Variants in BDH1 observed in about 807,000 individuals in gnomAD.
The protein encoded by BDH1 is D-beta-hydroxybutyrate dehydrogenase, mitochondrial.
A neutral mutation model predicts 33.1 loss-of-function variants in BDH1; 30 were observed. The ratio of observed to expected loss-of-function variants is 0.91; its 90% confidence interval spans 0.68 to 1.23. The LOEUF is 1.23. Ranked by LOEUF, BDH1 falls within the 50% of genes most tolerant of loss-of-function variation. The pLI is 0.00. For synonymous variants in BDH1, 190 were observed against 183.6 expected (o/e 1.03, Z -0.28); for missense variants, 443 against 464.4 (o/e 0.95, Z 0.42).
intron 3 of BDH1, among the ~76,000 whole-genome samples, chr3:197,534,810 T>G (rs1428067526): frequency 6.6e-6 from 1 of 152,248 alleles, no homozygotes; most frequent in Non-Finnish European, 1.5e-5. Context: ...GGTTTTAATC[T>G]GCATTTCCCT....
intron 3 of BDH1, chr3:197,538,566 G>A (rs948937434): frequency 3.0e-6 from 1 of 337,194 alleles, no homozygotes; most frequent in East Asian, 7.8e-5. Context: ...TGGCCACACT[G>A]GTCTCGAACT....
At chr3:197,549,561 G>T (rs1716380195) in intron 2 of BDH1, among the ~76,000 whole-genome samples, 1 of 152,218 alleles carries the variant, frequency 6.6e-6, no homozygotes, top group South Asian at 2.1e-4. Flanking sequence ...GCAGGAAAGA[G>T]AACTCAGGTG....
intron 2 of BDH1, among the ~76,000 whole-genome samples, chr3:197,547,377 T>A (rs1716173838): frequency 6.6e-6 from 1 of 152,246 alleles, no homozygotes; most frequent in Non-Finnish European, 1.5e-5. Flanking sequence ...AATAAGGTAC[T>A]GCCTGGGAGG....
At chr3:197,534,087 G>A (rs1279572093) in intron 3 of BDH1, 1 of 152,818 alleles carries the variant, frequency 6.5e-6, no homozygotes, top group African/African-American at 2.4e-5. Context: ...AGAGATGCCA[G>A]GTCTTACCTC....
chr3:197,558,514 C>T (rs1183081274), upstream of BDH1, among the ~76,000 whole-genome samples: 5 of 152,100 alleles, frequency 3.3e-5, no homozygotes, highest in African/African-American at 7.2e-5. Flanking sequence ...CTCTTTCCCT[C>T]CTTCCCTATT....
rs543458501 is a variant in BDH1, at chr3:197,526,737, G to A, written c.268-3956C>T. Among the ~76,000 whole-genome samples, 36 of 152,210 alleles carry A rather than the reference G, an allele frequency of 2.4e-4. No homozygotes were observed. Among genetic ancestry groups the A allele is most frequent in the Admixed American group, 2.0e-3 (30 of 15,298 alleles). ...CCAGGTAGAAGGATAGCCCTCTCCC[G>A]ACCAGCTCTCCGTGCTCCGCTCCCA... On this transcript the variant is annotated intron_variant, in intron 5 of 7. Transcript: ENST00000392379. This position sits in a 1 kb window ranked among gnomAD's most constrained non-coding sequence, Gnocchi z 4.7.
At chr3:197,533,358 A>T in intron 4 of BDH1, 131 bp downstream of exon 4, 2 of 885,788 alleles carry the variant, frequency 2.3e-6, no homozygotes, top group Non-Finnish European at 3.6e-6. Context: ...GGGGAGGGTT[A>T]AGTGAGAAAG....
chr3:197,536,630 C>T (rs1207078677), intron 3 of BDH1, among the ~76,000 whole-genome samples: 1 of 152,140 alleles, frequency 6.6e-6, no homozygotes, highest in African/African-American at 2.4e-5. Context: ...CAACTGAGGT[C>T]AGGAGTTCAA....
Position 197,562,874 on chromosome 3 carries a change from G to A in BDH1, c.-44+10307C>T, listed in dbSNP as rs542440367. On this transcript the variant is annotated intron_variant, in intron 1 of 6. Transcript: ENST00000358186. ...CTCTATTTGCCAGAGTAAAATGGAAGTAATACAGTCTTTGTGCAAATTTAC... is the reference window on the plus strand; with the variant it reads ...CTCTATTTGCCAGAGTAAAATGGAAATAATACAGTCTTTGTGCAAATTTAC... Among the ~76,000 whole-genome samples the A allele has an allele frequency of 7.1e-4, 108 of 152,262 alleles. 1 individual carries two copies. Among genetic ancestry groups the A allele is most frequent in the African/African-American group, 2.4e-3 (99 of 41,518 alleles).
At chr3:197,515,525 A>G in intron 6 of BDH1, 1 of 985,672 alleles carries the variant, frequency 1.0e-6, no homozygotes, top group South Asian at 4.7e-5. Flanking sequence ...CATCTTCGAG[A>G]CCATAGCCAC....
At position 197,511,504 on chromosome 3, in the gene BDH1, A is replaced by C. The variant is rs1043415385; in HGVS notation, c.*391T>G. On this transcript the variant is annotated 3_prime_UTR_variant, in exon 8 of 8. Coordinates refer to ENST00000392379, the MANE Select transcript of BDH1 (RefSeq NM_203314.3). Reference sequence around the variant, plus strand: ...AAGCGATAAAAGGGTTATTTCATGCATCCTCTTTAAGCTGCAAATGCTTCA... The same window carrying C: ...AAGCGATAAAAGGGTTATTTCATGCCTCCTCTTTAAGCTGCAAATGCTTCA... 4.4e-6 allele frequency: 1 copy of C among 225,384 alleles called. No homozygotes were observed. Among genetic ancestry groups the C allele is most frequent in the Non-Finnish European group, 8.6e-6 (1 of 116,596 alleles). 14.0% of individuals were successfully genotyped at this position (225,384 alleles called of 1,614,324 possible).
chr3:197,571,365 A>G (rs1717600896), intron 1 of BDH1, among the ~76,000 whole-genome samples: 1 of 152,200 alleles, frequency 6.6e-6, no homozygotes, highest in South Asian at 2.1e-4. Flanking sequence ...TGAAATGTGA[A>G]GACATGAGAT....
chr3:197,517,198 GACC>G (rs1712830823), intron 6 of BDH1, among the ~76,000 whole-genome samples: 1 of 150,662 alleles, frequency 6.6e-6, no homozygotes, highest in Non-Finnish European at 1.5e-5. Flanking sequence ...CCCTCAGGCA[GACC>G]CATCAGTCAC....
At chr3:197,552,015 C>A (rs548762883) in intron 2 of BDH1, among the ~76,000 whole-genome samples, 1 of 152,326 alleles carries the variant, frequency 6.6e-6, no homozygotes, top group East Asian at 1.9e-4. Flanking sequence ...TCACATGCCG[C>A]CAACTCCCGA....
Position 197,515,865 on chromosome 3 carries a change from G to A in BDH1, c.410-1449C>T, listed in dbSNP as rs867837085. The A allele has an allele frequency of 4.2e-5, 10 of 237,172 alleles. No individual in the cohort carries two copies. The South Asian group carries it at 6.0e-4, about 14-fold the overall frequency. The allele number at this position is 237,172 out of a possible 1,614,324, so 14.7% of individuals were successfully genotyped here. ...GTTGCAATGAGCCGGATCATGCCACGGCACTCCAGCCTGGGTGACAGAGCA... is the reference window on the plus strand; with the variant it reads ...GTTGCAATGAGCCGGATCATGCCACAGCACTCCAGCCTGGGTGACAGAGCA... On this transcript the variant is annotated intron_variant, in intron 6 of 7. Transcript: ENST00000392379.
chr3:197,562,062 T>C (rs1717279500), intron 1 of BDH1, among the ~76,000 whole-genome samples: 1 of 152,182 alleles, frequency 6.6e-6, no homozygotes, highest in South Asian at 2.1e-4. Context: ...AGCTCTGTTT[T>C]CCTGTATTGC....
At chr3:197,571,629 C>A (rs1046667157) in intron 1 of BDH1, among the ~76,000 whole-genome samples, 3 of 152,186 alleles carry the variant, frequency 2.0e-5, no homozygotes, top group Non-Finnish European at 4.4e-5. Flanking sequence ...GTAAGATGTG[C>A]CTTTTGCCTT....
At chr3:197,536,370 A>G (rs1715155131) in intron 3 of BDH1, among the ~76,000 whole-genome samples, 1 of 152,108 alleles carries the variant, frequency 6.6e-6, no homozygotes, top group African/African-American at 2.4e-5. Flanking sequence ...TCTTGTCTTC[A>G]TCTATAAAAA....
At chr3:197,557,691 T>C (rs892083700), upstream of BDH1, among the ~76,000 whole-genome samples, 4 of 152,354 alleles carry the variant, frequency 2.6e-5, no homozygotes, top group Admixed American at 2.6e-4. This position sits in a 1 kb window ranked among gnomAD's most constrained non-coding sequence, Gnocchi z 4.6. Flanking sequence ...CATTCCAGCC[T>C]GGGCAACAGT....
Sources: gnomAD v4.1 joint callset for allele counts (sites outside exome capture counted in the v4.1 genomes callset) on GRCh38, gnomAD v4.1.1 for gene constraint, Gnocchi (gnomAD v3.1) non-coding constraint, MANE v1.5 for transcripts, NCBI Gene and HGNC (gene_info 2026-07-23, HGNC 2026-07-21) for gene names.